AZIN2: variants seen among roughly 807,000 people sequenced by gnomAD.
AZIN2 encodes ODC antizyme inhibitor-2.
A neutral mutation model predicts 47.8 loss-of-function variants in AZIN2; 28 were observed. The observed-to-expected ratio is 0.59, with a 90% CI of 0.43 to 0.80. The LOEUF (loss-of-function observed/expected upper bound fraction) is 0.80, where lower values mean the gene tolerates loss of function less well. Among genes scored for constraint, AZIN2 ranks in the 30% least tolerant of loss-of-function variants. The pLI, the probability that AZIN2 is intolerant of heterozygous loss-of-function variation, is 0.00. For synonymous variants in AZIN2, 221 were observed against 239.4 expected (o/e 0.92, Z 0.71); for missense variants, 535 against 582.5 (o/e 0.92, Z 0.84).
At chr1:33,117,350 G>C (rs1275651793) in intron 10 of AZIN2, among the ~76,000 whole-genome samples, 1 of 152,146 alleles carries the variant, frequency 6.6e-6, no homozygotes, top group Non-Finnish European at 1.5e-5. Flanking sequence ...CTTCATAGAC[G>C]AGGGAGCCCC....
In AZIN2 at chr1:33,122,624, A is replaced by G. The variant is rs2124683397; in HGVS notation, c.*2442A>G. 6.6e-6 allele frequency among the ~76,000 whole-genome samples: 1 copy of G among 152,142 alleles called. No homozygotes were observed. Among genetic ancestry groups the G allele is most frequent in the South Asian group, 2.1e-4 (1 of 4,802 alleles). ...GGCTGCATGGGCACTGCCTCCTCCA[A>G]GCTCCCTGCTGAGCGACCCACTGGC... On this transcript the variant is annotated 3_prime_UTR_variant, in exon 12 of 12. Transcript: ENST00000294517.
chr1:33,091,613 G>T (rs1262075680), intron 5 of AZIN2, among the ~76,000 whole-genome samples: 1 of 152,092 alleles, frequency 6.6e-6, no homozygotes, highest in Non-Finnish European at 1.5e-5. Flanking sequence ...AATTTGCCAG[G>T]AAAATGTGTC....
At chr1:33,158,428 G>C in the AZIN2 span, 1,941 of 1,459,614 alleles carry the variant, frequency 1.3e-3, 30 homozygotes, top group African/African-American at 0.024. Context: ...CCAATGCCAG[G>C]GGCCCCGCAG....
rs144807613 is a variant in AZIN2, at chr1:33,087,771, A to G, written c.279+3644A>G. Among the ~76,000 whole-genome samples the G allele has an allele frequency of 3.2e-3, 483 of 152,034 alleles. 1 individual carries two copies. The highest frequency in any genetic ancestry group is 0.011 in the African/African-American group (471 of 41,480). ...TCTTTAAAAAAAAAAAAGACTCAAC[A>G]GTAACATATGGTCCTACTTTTAAAG... On this transcript the variant is annotated intron_variant, in intron 5 of 11. Transcript: ENST00000294517.
At position 33,122,226 on chromosome 1, in the gene AZIN2, A is replaced by G. The variant is rs967950607; in HGVS notation, c.*2044A>G. Among the ~76,000 whole-genome samples the G allele has an allele frequency of 1.3e-5, 2 of 152,182 alleles. No homozygotes were observed. On this transcript the variant is annotated 3_prime_UTR_variant, in exon 12 of 12. Coordinates refer to ENST00000294517, the MANE Select transcript of AZIN2 (RefSeq NM_052998.4). The stretch of plus-strand genomic sequence containing the variant: ...AGCGCAGGAATCCTGGGAAGATCTC[A>G]TGGCTGGCTACAGTGAGACCCAGGT...
chr1:33,147,674 A>C, the AZIN2 span: 3 of 1,613,774 alleles, frequency 1.9e-6, no homozygotes, highest in Non-Finnish European at 2.5e-6. The surrounding 1 kb of genome is among the most constrained non-coding windows in gnomAD (Gnocchi z 8.1). Context: ...CAGTCGTCCG[A>C]CAGGATCAGG....
At chr1:33,161,747 C>T in the AZIN2 span, among the ~76,000 whole-genome samples, 11 of 152,306 alleles carry the variant, frequency 7.2e-5, no homozygotes, top group East Asian at 3.9e-4. The surrounding 1 kb of genome is among the most constrained non-coding windows in gnomAD (Gnocchi z 4.3). Flanking sequence ...CCTCCACAGG[C>T]GCCCAGACTC....
chr1:33,102,096 A>G (rs1017953884), intron 10 of AZIN2, among the ~76,000 whole-genome samples: 10 of 152,088 alleles, frequency 6.6e-5, no homozygotes, highest in African/African-American at 2.2e-4. Context: ...AATTTTCTGA[A>G]GTGTTGTACT....
the AZIN2 span, among the ~76,000 whole-genome samples, chr1:33,155,047 C>A: frequency 1.4e-5 from 2 of 142,932 alleles, no homozygotes; most frequent in Non-Finnish European, 3.1e-5. Flanking sequence ...GAGCCGAGAT[C>A]GCGCCACTGC....
the AZIN2 span, among the ~76,000 whole-genome samples, chr1:33,149,775 T>C: frequency 6.6e-6 from 1 of 152,198 alleles, no homozygotes; most frequent in Non-Finnish European, 1.5e-5. Context: ...TAGCTTTATT[T>C]GTGCCCTGAT....
chr1:33,159,861 C>T, the AZIN2 span: 6 of 1,613,118 alleles, frequency 3.7e-6, no homozygotes, highest in Non-Finnish European at 8.5e-7. The surrounding 1 kb of genome is among the most constrained non-coding windows in gnomAD (Gnocchi z 4.2). Flanking sequence ...GCTCCTCTAG[C>T]ATGGCCTTCT....
Position 33,113,464 on chromosome 1 carries a change from C to A in AZIN2, c.1030-4438C>A, listed in dbSNP as rs1644378380. 6.6e-6 allele frequency among the ~76,000 whole-genome samples: 1 copy of A among 152,150 alleles called. No individual in the cohort carries two copies. Among genetic ancestry groups the A allele is most frequent in the Non-Finnish European group, 1.5e-5 (1 of 68,026 alleles). On this transcript the variant is annotated intron_variant, in intron 10 of 11. Transcript: ENST00000294517. This position sits in a 1 kb window ranked among gnomAD's most constrained non-coding sequence, Gnocchi z 4.1. ...ACCACACCCACCCCCTTAAGATTTTCCAGGTGGGCAAATACGTTATCTGCA... is the reference window on the plus strand; with the variant it reads ...ACCACACCCACCCCCTTAAGATTTTACAGGTGGGCAAATACGTTATCTGCA...
the AZIN2 span, among the ~76,000 whole-genome samples, chr1:33,140,930 C>A: frequency 1.3e-5 from 2 of 152,182 alleles, no homozygotes; most frequent in Non-Finnish European, 2.9e-5. This position sits in a 1 kb window ranked among gnomAD's most constrained non-coding sequence, Gnocchi z 4.0. Flanking sequence ...ACACCAGAAT[C>A]CACAAGAGGG....
At chr1:33,155,142 G>A in the AZIN2 span, among the ~76,000 whole-genome samples, 5 of 149,194 alleles carry the variant, frequency 3.4e-5, no homozygotes, top group African/African-American at 9.8e-5. Context: ...CGCGATCTCG[G>A]CTCATTGCAG....
At chr1:33,165,637 C>T in the AZIN2 span, 2 of 1,363,100 alleles carry the variant, frequency 1.5e-6, no homozygotes, top group Non-Finnish European at 2.0e-6. The surrounding 1 kb of genome is among the most constrained non-coding windows in gnomAD (Gnocchi z 4.0). Flanking sequence ...CTGACCACTG[C>T]CAGGCGCTGG....
chr1:33,159,777 C>T, the AZIN2 span: 1 of 1,613,694 alleles, frequency 6.2e-7, no homozygotes, highest in Non-Finnish European at 8.5e-7. The surrounding 1 kb of genome is among the most constrained non-coding windows in gnomAD (Gnocchi z 4.2). Flanking sequence ...CCTCCTGGAC[C>T]TTGCGCAGCT....
At chr1:33,135,281 C>G in the AZIN2 span, among the ~76,000 whole-genome samples, 1 of 152,038 alleles carries the variant, frequency 6.6e-6, no homozygotes, top group African/African-American at 2.4e-5. Flanking sequence ...GAGCAAGACT[C>G]TCTCAAAAAC....
chr1:33,099,830 G>A (rs1418942607), intron 10 of AZIN2, among the ~76,000 whole-genome samples: 4 of 152,238 alleles, frequency 2.6e-5, no homozygotes, highest in African/African-American at 4.8e-5. Flanking sequence ...GGTGGAATAA[G>A]ACATTGCATA....
the AZIN2 span, among the ~76,000 whole-genome samples, chr1:33,161,710 C>T: frequency 5.3e-5 from 8 of 152,244 alleles, no homozygotes; most frequent in Non-Finnish European, 8.8e-5. The surrounding 1 kb of genome is among the most constrained non-coding windows in gnomAD (Gnocchi z 4.3). Context: ...AGATGGGGTC[C>T]GTCGTCCCTG....
Sources: allele counts gnomAD v4.1 joint callset (sites outside exome capture counted in the v4.1 genomes callset), GRCh38; gene constraint gnomAD v4.1.1; non-coding constraint Gnocchi (gnomAD v3.1); transcripts MANE v1.5; gene names NCBI Gene and HGNC (gene_info 2026-07-23, HGNC 2026-07-21).